SYTL4: variants seen among roughly 807,000 people sequenced by gnomAD.
SYTL4 encodes the protein synaptotagmin like 4.
SYTL4 carries 16 observed loss-of-function variants against 52.7 expected under a neutral mutation model. That is an observed-to-expected ratio of 0.30 (90% confidence interval 0.21 to 0.46). The LOEUF (loss-of-function observed/expected upper bound fraction) is 0.46, where lower values mean the gene tolerates loss of function less well. Ranked by LOEUF, SYTL4 falls within the 20% of genes least tolerant of loss-of-function variation. SYTL4 has a pLI of 1.00. For missense variants in SYTL4, 423 were observed against 519.9 expected, an observed-to-expected ratio of 0.81 and a Z score of 1.81; for synonymous variants, 160 against 186.6, an observed-to-expected ratio of 0.86 and a Z score of 1.16.
chrX:100,731,816 G>A (rs2084654113), intron 1 of SYTL4, among the ~76,000 whole-genome samples, 188 bp downstream of exon 1: 1 of 111,921 alleles, frequency 8.9e-6, no homozygotes, highest in Non-Finnish European at 1.9e-5. Flanking sequence ...GCGGTCGGGA[G>A]AGGCGGACGG....
At chrX:100,693,205 C>T in intron 8 of SYTL4, among the ~76,000 whole-genome samples, 1 of 112,333 alleles carries the variant, frequency 8.9e-6, no homozygotes, top group African/African-American at 3.2e-5. Flanking sequence ...GTTGGGATTA[C>T]AGGCGTGAGC....
At position 100,686,058 on chromosome X, in the gene SYTL4, C is replaced by A; in HGVS notation, c.1381G>T (p.Ala461Ser). ...RFGRNTFLGE[A>S]EIQMDSWKLD... ...TTCCAGGAATCCATCTGGATCTCTG[C>A]CTCTCCAAGGAAAGTGTTTCTGCCA... The change falls in exon 16 of 20, where the codon GCA (alanine) becomes TCA (serine). Residue 461 changes from alanine (A) to serine (S), a missense_variant. By Grantham distance (99) the Ala-to-Ser change is moderately conservative. Coordinates refer to ENST00000372989, the MANE Select transcript of SYTL4 (RefSeq NM_001370165.1). 8.3e-7 allele frequency: 1 copy of A among 1,207,668 alleles called. No individual in the cohort carries two copies. The highest frequency in any genetic ancestry group is 1.8e-5 in the South Asian group (1 of 55,917).
intron 2 of SYTL4, among the ~76,000 whole-genome samples, chrX:100,712,406 G>A (rs1393097700): frequency 8.9e-6 from 1 of 112,062 alleles, no homozygotes; most frequent in African/African-American, 3.2e-5. Context: ...ATGTGGTACT[G>A]GGCAGGAAGA....
chrX:100,696,985 G>A (rs773327318), intron 8 of SYTL4, among the ~76,000 whole-genome samples: 35 of 111,776 alleles, frequency 3.1e-4, no homozygotes, highest in Middle Eastern at 4.6e-3. Flanking sequence ...TTCAAAAATC[G>A]CACCTAAGAA....
chrX:100,720,957 C>A (rs2084328656), intron 2 of SYTL4, among the ~76,000 whole-genome samples: 1 of 110,897 alleles, frequency 9.0e-6, no homozygotes, highest in Non-Finnish European at 1.9e-5. Context: ...AAAATATTAA[C>A]TTATTACAAG....
intron 13 of SYTL4, 60 bp downstream of exon 13, chrX:100,688,291 G>T (rs780553386): frequency 1.0e-6 from 1 of 999,460 alleles, no homozygotes; most frequent in Admixed American, 2.2e-5. Flanking sequence ...CTCTAGGGAG[G>T]TGCTTCTTTT....
At chrX:100,714,298 T>C (rs931405902) in intron 2 of SYTL4, among the ~76,000 whole-genome samples, 24 of 108,332 alleles carry the variant, frequency 2.2e-4, no homozygotes, top group African/African-American at 6.8e-4. Flanking sequence ...GTCTTGCTGT[T>C]GCCCAGGCTG....
intron 8 of SYTL4, 53 bp from the exon 9 acceptor site, chrX:100,691,262 T>G: frequency 1.1e-6 from 1 of 890,107 alleles, no homozygotes; most frequent in Non-Finnish European, 1.6e-6. Flanking sequence ...CTCCTGCCTC[T>G]AGTCAGGCCT....
intron 8 of SYTL4, among the ~76,000 whole-genome samples, chrX:100,692,236 A>G (rs182742126): frequency 1.8e-5 from 2 of 111,825 alleles, no homozygotes; most frequent in African/African-American, 6.5e-5. Flanking sequence ...AGTAACAGTC[A>G]CCACATATGT....
intron 8 of SYTL4, among the ~76,000 whole-genome samples, chrX:100,698,809 C>T: frequency 8.9e-6 from 1 of 111,974 alleles, no homozygotes; most frequent in South Asian, 3.7e-4. Context: ...GCATACAATC[C>T]TTTTAAGTAT....
At chrX:100,691,685 G>A (rs2083602028) in intron 8 of SYTL4, among the ~76,000 whole-genome samples, 2 of 111,591 alleles carry the variant, frequency 1.8e-5, no homozygotes, top group South Asian at 3.8e-4. Context: ...CTACAGGTGC[G>A]TGCCACCATG....
chrX:100,679,201 G>C, intron 18 of SYTL4, 112 bp downstream of exon 18: 1 of 550,506 alleles, frequency 1.8e-6, no homozygotes, highest in South Asian at 3.1e-5. Context: ...GAACAAATTT[G>C]GTTGCCGGGA....
intron 17 of SYTL4, 62 bp downstream of exon 17, chrX:100,681,165 C>A: frequency 1.0e-6 from 1 of 998,070 alleles, no homozygotes; most frequent in East Asian, 3.1e-5. Flanking sequence ...TAGCCAGCAC[C>A]GGCCTTGCAC....
intron 12 of SYTL4, 81 bp downstream of exon 12, chrX:100,689,775 A>G: frequency 1.8e-6 from 1 of 561,331 alleles, no homozygotes; most frequent in Non-Finnish European, 2.9e-6. Flanking sequence ...AAATAGGTTG[A>G]CTGAGAATAT....
intron 12 of SYTL4, 68 bp from the exon 13 acceptor site, chrX:100,688,511 T>A: frequency 1.1e-6 from 1 of 922,807 alleles, no homozygotes; most frequent in Admixed American, 2.9e-5. Flanking sequence ...AAGACTAATA[T>A]CTTTCCTTTA....
chrX:100,701,264 G>A lies in SYTL4; in HGVS notation c.392C>T (p.Thr131Ile), dbSNP rs768745774. The change falls in exon 7 of 20, where the codon ACA becomes ATA. Residue 131 changes from threonine (T) to isoleucine (I), a missense_variant. Transcript: ENST00000372989. ...GGACATCCTGATTATCTCACTACCT[G>A]TGCGGTAAGCAAAGCGATTCACTTT... is the stretch of plus-strand genomic sequence containing the variant. ...DQKVNRFAYR[T>I]GSEIIRMSLR... 5.9e-5 allele frequency: 71 copies of A among 1,210,104 alleles called. No homozygotes were observed. The South Asian group carries it at 1.2e-3, about 20-fold the overall frequency.
chrX:100,677,783 A>G (rs889007787), intron 19 of SYTL4, among the ~76,000 whole-genome samples: 1 of 112,383 alleles, frequency 8.9e-6, no homozygotes, highest in African/African-American at 3.2e-5. Context: ...GCAACTGCTC[A>G]GCAGAGTGGT....
chrX:100,697,591 T>C (rs919390179), intron 8 of SYTL4, among the ~76,000 whole-genome samples: 4 of 112,076 alleles, frequency 3.6e-5, no homozygotes, highest in Admixed American at 1.9e-4. Flanking sequence ...GTAGGTTTCA[T>C]GTGAGTGCTT....
At chrX:100,678,879 G>C (rs376570724) in intron 18 of SYTL4, 1 of 326,402 alleles carries the variant, frequency 3.1e-6, no homozygotes. Flanking sequence ...ATTTGGCTTT[G>C]TTTCTACTAG....
Sources: allele counts gnomAD v4.1 joint callset (sites outside exome capture counted in the v4.1 genomes callset), GRCh38; gene constraint gnomAD v4.1.1; transcripts MANE v1.5; gene names NCBI Gene and HGNC (gene_info 2026-07-23, HGNC 2026-07-21).